Variants in PODN observed in about 807,000 individuals in gnomAD.
PODN encodes the protein podocan, also known as podocan proteoglycan.
In PODN, 40 loss-of-function variants were observed where a neutral mutation model predicts 52.7. The ratio of observed to expected loss-of-function variants is 0.76; its 90% CI spans 0.59 to 0.99. The LOEUF is 0.99. Ranked by LOEUF, PODN falls within the 50% of genes least tolerant of loss-of-function variation. The probability of loss-of-function intolerance (pLI) is 0.00; values close to 1 mark genes in which losing one functional copy is unlikely to be tolerated. For synonymous variants in PODN, 396 were observed against 377.9 expected, an observed-to-expected ratio of 1.05 and a Z score of -0.56; for missense variants, 720 against 815.1, an observed-to-expected ratio of 0.88 and a Z score of 1.42.
intron 7 of PODN, among the ~76,000 whole-genome samples, chr1:53,078,059 G>A (rs773413140): frequency 2.0e-4 from 31 of 152,216 alleles, no homozygotes; most frequent in East Asian, 1.9e-4. Context: ...ATACAGACTC[G>A]GGCATTCTTG....
rs1261247395 is a variant in PODN, at chr1:53,084,532, CTT to C, written c.*50_*51del. 1.3e-5 allele frequency: 2 copies of C among 152,466 alleles called. No homozygotes were observed. Among genetic ancestry groups the C allele is most frequent in the East Asian group, 1.9e-4 (1 of 5,158 alleles). The allele number at this position is 152,466 out of a possible 1,614,324, so 9.4% of individuals were successfully genotyped here. ...CCACAGGACGATGGACCGCCGGACT[CTT>C]TTCTGCAGCACACGCCTGTGTGCTG... On this transcript the variant is annotated 3_prime_UTR_variant, in exon 11 of 11. Transcript: ENST00000312553.
intron 6 of PODN, 143 bp from the exon 7 acceptor site, chr1:53,077,542 G>C: frequency 2.7e-6 from 3 of 1,130,614 alleles, no homozygotes; most frequent in Non-Finnish European, 3.8e-6. Flanking sequence ...TGTGTGTGGC[G>C]TTGGTGGCCC....
chr1:53,069,745 G>T (rs1403458511), intron 1 of PODN, 56 bp from the exon 2 acceptor site: 35 of 1,516,490 alleles, frequency 2.3e-5, no homozygotes, highest in Non-Finnish European at 3.1e-5. Flanking sequence ...CTTTGTGCTC[G>T]GGAGGGCCCC....
At chr1:53,080,521 A>G (rs1644279472) in intron 8 of PODN, among the ~76,000 whole-genome samples, 2 of 152,326 alleles carry the variant, frequency 1.3e-5, no homozygotes, top group South Asian at 2.1e-4. Context: ...ACAGCCTTTT[A>G]TAGGTTATGT....
chr1:53,071,843 ATTTC>A (rs1322584412), intron 3 of PODN, among the ~76,000 whole-genome samples: 1 of 151,582 alleles, frequency 6.6e-6, no homozygotes, highest in Non-Finnish European at 1.5e-5. Flanking sequence ...CTACACGGAT[ATTTC>A]TTTCTTTTTT....
chr1:53,070,707 C>T (rs1019195410), intron 2 of PODN, among the ~76,000 whole-genome samples: 11 of 152,336 alleles, frequency 7.2e-5, no homozygotes, highest in Non-Finnish European at 1.0e-4. Flanking sequence ...CCTAGGGAGA[C>T]GGAGGGGCTG....
At chr1:53,081,299 C>T (rs985214813) in intron 9 of PODN, among the ~76,000 whole-genome samples, 11 of 152,192 alleles carry the variant, frequency 7.2e-5, no homozygotes, top group African/African-American at 1.4e-4. Flanking sequence ...GGATGCAGCT[C>T]CCTGAGGATA....
In PODN at chr1:53,083,604, C is replaced by T. The variant is rs193069076; in HGVS notation, c.*28-909C>T. ...TTCTCTGTGCAGCAGGGAGGTTCTC[C>T]GCAGACCAAAGGTATGGAGAAAATG... is the stretch of plus-strand genomic sequence containing the variant. On this transcript the variant is annotated intron_variant, in intron 10 of 10. Coordinates refer to ENST00000312553, the MANE Select transcript of PODN (RefSeq NM_153703.5). Among the ~76,000 whole-genome samples, 16 of 152,274 alleles carry T rather than the reference C, an allele frequency of 1.1e-4. No individual in the cohort carries two copies. The East Asian group carries it at 1.2e-3, about 11-fold the overall frequency.
intron 4 of PODN, among the ~76,000 whole-genome samples, chr1:53,074,886 G>A (rs1414227760): frequency 6.6e-6 from 1 of 152,096 alleles, no homozygotes; most frequent in East Asian, 1.9e-4. Flanking sequence ...CAGAAGCCAA[G>A]GCCCACAGGA....
At chr1:53,082,839 C>T (rs1319423317) in intron 10 of PODN, among the ~76,000 whole-genome samples, 1 of 152,172 alleles carries the variant, frequency 6.6e-6, no homozygotes, top group East Asian at 1.9e-4. Flanking sequence ...CATTTGCATG[C>T]CTAGACTATG....
chr1:53,068,087 T>G (rs192870206), intron 1 of PODN, among the ~76,000 whole-genome samples: 1 of 152,292 alleles, frequency 6.6e-6, no homozygotes, highest in East Asian at 1.9e-4. Flanking sequence ...GAGCACTTAC[T>G]ATGTGCAGTA....
chr1:53,074,582 C>T, intron 3 of PODN, 24 bp from the exon 4 acceptor site: 1 of 1,613,756 alleles, frequency 6.2e-7, no homozygotes. Context: ...ATCCAGGGCT[C>T]TGACCGATGC....
intron 1 of PODN, 139 bp downstream of exon 1, chr1:53,062,447 C>A: frequency 1.7e-6 from 1 of 595,758 alleles, no homozygotes; most frequent in Non-Finnish European, 2.5e-6. Flanking sequence ...CTCTGTAGGA[C>A]CCTGCACCCA....
intron 1 of PODN, among the ~76,000 whole-genome samples, chr1:53,065,177 A>T (rs1644013447): frequency 6.6e-6 from 1 of 152,088 alleles, no homozygotes; most frequent in African/African-American, 2.4e-5. Flanking sequence ...ACATAGTGAG[A>T]CCCCATTTCT....
chr1:53,065,133 G>A (rs1348933847), intron 1 of PODN, among the ~76,000 whole-genome samples: 3 of 152,184 alleles, frequency 2.0e-5, no homozygotes, highest in African/African-American at 7.2e-5. Context: ...GGAGGCCGAG[G>A]CAGAAGGCCA....
chr1:53,079,423 G>A (rs1644251460), intron 8 of PODN, among the ~76,000 whole-genome samples: 1 of 152,234 alleles, frequency 6.6e-6, no homozygotes, highest in Non-Finnish European at 1.5e-5. Flanking sequence ...CCGGGGGCCA[G>A]TTCGGGTGGT....
chr1:53,082,114 AAGG>A lies in PODN; in HGVS notation c.1806_1808del (p.Glu611del), dbSNP rs763096886. On this transcript the variant is annotated inframe_deletion, in exon 10 of 11. Transcript: ENST00000312553. ...GGACCGTGGCCGCTTGGGGAAGGAA[AAGG>A]AGGAGGAGGAAGAGGAGGAGGAGGA... The A allele has an allele frequency of 1.2e-5, 20 of 1,613,284 alleles. No individual in the cohort carries two copies. The East Asian group carries it at 3.3e-4, about 27-fold the overall frequency.
chr1:53,067,198 C>T (rs990858717), intron 1 of PODN, among the ~76,000 whole-genome samples: 7 of 152,184 alleles, frequency 4.6e-5, no homozygotes, highest in Admixed American at 6.5e-5. Flanking sequence ...GCAGGTGTGC[C>T]GGGCTCCCTG....
Position 53,079,037 on chromosome 1 carries a change from G to A in PODN, c.1512+15G>A, listed in dbSNP as rs1453415741. On this transcript the variant is annotated intron_variant, in intron 8 of 10. Coordinates refer to ENST00000312553, the MANE Select transcript of PODN (RefSeq NM_153703.5). Reference sequence around the variant, plus strand: ...CCCATCTGCAGGTAAGCGGAAGGGAGGGGGCTGAGCCATGCCCATGGAGGG... The same window carrying A: ...CCCATCTGCAGGTAAGCGGAAGGGAAGGGGCTGAGCCATGCCCATGGAGGG... 6 of 1,515,584 alleles carry A rather than the reference G, an allele frequency of 4.0e-6. No homozygotes were observed. Among genetic ancestry groups the A allele is most frequent in the African/African-American group, 2.7e-5 (2 of 72,906 alleles). The allele number at this position is 1,515,584 out of a possible 1,614,324, so 93.9% of individuals were successfully genotyped here. A position where few individuals can be genotyped will look rare whatever the true frequency, so the allele number is the denominator to read the frequency against.
Sources: gnomAD v4.1 joint callset for allele counts (sites outside exome capture counted in the v4.1 genomes callset) on GRCh38, gnomAD v4.1.1 for gene constraint, MANE v1.5 for transcripts, NCBI Gene and HGNC (gene_info 2026-07-23, HGNC 2026-07-21) for gene names.